Variants in SPATA9 observed in about 807,000 individuals in gnomAD.
SPATA9 encodes the protein spermatogenesis associated 9.
SPATA9 carries 27 observed loss-of-function variants against 25.5 expected under a neutral mutation model. The observed-to-expected ratio is 1.06, with a 90% CI of 0.78 to 1.46. The LOEUF (loss-of-function observed/expected upper bound fraction) is 1.46. Ranked by LOEUF, SPATA9 falls within the 40% of genes most tolerant of loss-of-function variation. SPATA9 has a pLI of 0.00. For synonymous variants in SPATA9, 102 were observed against 105.7 expected (o/e 0.97, Z 0.21); for missense variants, 282 against 297.5 (o/e 0.95, Z 0.38).
the SPATA9 span, among the ~76,000 whole-genome samples, chr5:95,705,566 G>A: frequency 1.3e-5 from 2 of 152,126 alleles, no homozygotes; most frequent in African/African-American, 4.8e-5. Flanking sequence ...GTAAAGGTCA[G>A]CTGGTAATAA....
chr5:95,701,738 A>G (rs1754182852), upstream of SPATA9, among the ~76,000 whole-genome samples: 1 of 152,164 alleles, frequency 6.6e-6, no homozygotes, highest in Non-Finnish European at 1.5e-5. Context: ...AAGTAAGATC[A>G]GTGTCAGAAC....
At chr5:95,652,809 C>T, downstream of SPATA9, 1 of 346,280 alleles carries the variant, frequency 2.9e-6, no homozygotes, top group South Asian at 5.7e-5. Context: ...CAGCATCAAC[C>T]CCCTGCGGCA....
the SPATA9 span, among the ~76,000 whole-genome samples, chr5:95,722,647 G>GCC: frequency 6.6e-6 from 1 of 152,130 alleles, no homozygotes; most frequent in African/African-American, 2.4e-5. Context: ...CCGCCACCAT[G>GCC]CCCGGCTAAT....
rs1429740287 is a variant in SPATA9 at position 95,675,612 on chromosome 5, T to C, written c.178A>G (p.Lys60Glu). 6 of 1,614,040 alleles carry C rather than the reference T, an allele frequency of 3.7e-6. No homozygotes were observed. The highest frequency in any genetic ancestry group is 5.1e-6 in the Non-Finnish European group (6 of 1,180,020). Reference protein sequence around the residue: ...QKREPAQKTSKIRMAIALAKI... With the variant: ...QKREPAQKTSEIRMAIALAKI... Reference sequence around the variant, plus strand: ...GCTAAAGCAATAGCCATCCTGATTTTGGATGTTTTCTGCGCAGGTTCTCTT... The same window carrying C: ...GCTAAAGCAATAGCCATCCTGATTTCGGATGTTTTCTGCGCAGGTTCTCTT... Residue 60 changes from lysine to glutamate, a missense_variant, in exon 3 of 5, where the codon AAA becomes GAA. Lys to Glu is a moderately conservative substitution (Grantham distance 56, BLOSUM62 1). Coordinates refer to ENST00000274432, the MANE Select transcript of SPATA9 (RefSeq NM_031952.4).
At chr5:95,666,400 CT>C (rs1561399230) in intron 3 of SPATA9, among the ~76,000 whole-genome samples, 1 of 152,142 alleles carries the variant, frequency 6.6e-6, no homozygotes, top group East Asian at 1.9e-4. Flanking sequence ...CAAATTAATT[CT>C]TTCCTCTAAG....
chr5:95,701,071 A>G (rs1227606146), upstream of SPATA9, among the ~76,000 whole-genome samples: 1 of 152,226 alleles, frequency 6.6e-6, no homozygotes, highest in African/African-American at 2.4e-5. Flanking sequence ...CAAGTAACAC[A>G]TATGTATTTT....
At chr5:95,692,932 T>C (rs1753926416) in intron 1 of SPATA9, among the ~76,000 whole-genome samples, 1 of 152,216 alleles carries the variant, frequency 6.6e-6, no homozygotes. Context: ...AAGAATACGA[T>C]ACATTGAATT....
chr5:95,710,149 C>T, the SPATA9 span, among the ~76,000 whole-genome samples: 1 of 152,134 alleles, frequency 6.6e-6, no homozygotes, highest in Admixed American at 6.5e-5. Context: ...ACAGCTGCAC[C>T]GGCCTTTCAT....
At chr5:95,698,306 A>G (rs1413451458) in intron 1 of SPATA9, among the ~76,000 whole-genome samples, 1 of 152,202 alleles carries the variant, frequency 6.6e-6, no homozygotes, top group Non-Finnish European at 1.5e-5. Context: ...GTTATGGTCT[A>G]GACTAAAGAG....
Position 95,658,524 on chromosome 5 carries a change from C to G in SPATA9, c.*99G>C. The G allele has an allele frequency of 1.5e-6, 2 of 1,336,772 alleles. No homozygotes were observed. Among genetic ancestry groups the G allele is most frequent in the Non-Finnish European group, 1.9e-6 (2 of 1,031,840 alleles). The allele number at this position is 1,336,772 out of a possible 1,614,324, so 82.8% of individuals were successfully genotyped here. A position where few individuals can be genotyped will look rare whatever the true frequency, so the allele number is the denominator to read the frequency against. ...CCCCCTTCTCTTTTTTTTAAGAAAG[C>G]AGAGCAATTCAGAATATGTAAACTA... On this transcript the variant is annotated 3_prime_UTR_variant, in exon 5 of 5. Coordinates refer to ENST00000274432, the MANE Select transcript of SPATA9 (RefSeq NM_031952.4).
downstream of SPATA9, chr5:95,657,274 C>G (rs546684597): frequency 6.6e-6 from 1 of 152,084 alleles, no homozygotes; most frequent in South Asian, 2.1e-4. Flanking sequence ...TTTATCATGT[C>G]AGTTATTTAT....
the SPATA9 span, among the ~76,000 whole-genome samples, chr5:95,715,683 AT>A: frequency 6.6e-6 from 1 of 152,198 alleles, no homozygotes; most frequent in Non-Finnish European, 1.5e-5. Context: ...GTAGGGAAGA[AT>A]TTCTTTAACA....
chr5:95,698,482 C>T (rs747815423), intron 1 of SPATA9: 4 of 152,186 alleles, frequency 2.6e-5, no homozygotes, highest in African/African-American at 9.7e-5. Flanking sequence ...GTAGAAGGTT[C>T]CCGGAAGGCT....
At chr5:95,664,537 T>A (rs111699213) in intron 3 of SPATA9, among the ~76,000 whole-genome samples, 18 of 152,314 alleles carry the variant, frequency 1.2e-4, no homozygotes, top group African/African-American at 4.3e-4. Flanking sequence ...TCAGAAAATG[T>A]TCTGTGCTCA....
chr5:95,731,936 C>G, the SPATA9 span: 1 of 1,614,054 alleles, frequency 6.2e-7, no homozygotes, highest in African/African-American at 1.3e-5. Context: ...CTTATCCGCA[C>G]TTACCTGGGG....
At chr5:95,692,129 T>C (rs1467945294) in intron 1 of SPATA9, among the ~76,000 whole-genome samples, 2 of 148,102 alleles carry the variant, frequency 1.4e-5, no homozygotes, top group Non-Finnish European at 2.9e-5. Flanking sequence ...GTCTATGGCT[T>C]TTTTTTGTAC....
At chr5:95,653,284 A>G in intron 8 of SPATA9, 1 of 1,543,472 alleles carries the variant, frequency 6.5e-7, no homozygotes, top group Non-Finnish European at 8.7e-7. Flanking sequence ...TTGTGCCTGT[A>G]AGAGCCAACT....
chr5:95,661,288 T>G (rs760089082), intron 4 of SPATA9, among the ~76,000 whole-genome samples: 2 of 152,116 alleles, frequency 1.3e-5, no homozygotes, highest in South Asian at 4.1e-4. Flanking sequence ...AATATTGCTG[T>G]TCTTCATATT....
chr5:95,663,038 A>G lies in SPATA9; in HGVS notation c.474+915T>C, dbSNP rs762735847. ...CTAGGTATCAGCACATGCATACCTT[A>G]TGGCCTAGCAGTTTCACCAAAAGAT... On this transcript the variant is annotated intron_variant, in intron 4 of 4. Coordinates refer to ENST00000274432, the MANE Select transcript of SPATA9 (RefSeq NM_031952.4). 8.5e-5 allele frequency among the ~76,000 whole-genome samples: 13 copies of G among 152,340 alleles called. 1 individual carries two copies. Among genetic ancestry groups the G allele is most frequent in the Middle Eastern group, 3.4e-3 (1 of 294 alleles).
Sources: gnomAD v4.1 joint callset for allele counts (sites outside exome capture counted in the v4.1 genomes callset) on GRCh38, gnomAD v4.1.1 for gene constraint, MANE v1.5 for transcripts, NCBI Gene and HGNC (gene_info 2026-07-23, HGNC 2026-07-21) for gene names.